CTNNA3: variants seen among roughly 807,000 people sequenced by gnomAD.
CTNNA3 encodes catenin alpha 3.
A neutral mutation model predicts 95.7 loss-of-function variants in CTNNA3; 76 were observed. The observed-to-expected ratio is 0.79, with a 90% CI of 0.66 to 0.96. The LOEUF is 0.96. Ranked by LOEUF, CTNNA3 falls within the 40% of genes least tolerant of loss-of-function variation. CTNNA3 has a pLI of 0.00. For missense variants in CTNNA3, 1,191 were observed against 1,089.8 expected, an observed-to-expected ratio of 1.09 and a Z score of -1.31; for synonymous variants, 431 against 374.4, an observed-to-expected ratio of 1.15 and a Z score of -1.74.
At chr10:66,587,916 T>C (rs375964752) in intron 10 of CTNNA3, among the ~76,000 whole-genome samples, 4 of 152,134 alleles carry the variant, frequency 2.6e-5, no homozygotes, top group African/African-American at 9.7e-5. Flanking sequence ...ATAGCAAACT[T>C]ACTACTTGCC....
intron 1 of CTNNA3, among the ~76,000 whole-genome samples, chr10:67,762,374 TCC>T (rs1238577460): frequency 4.2e-5 from 4 of 94,956 alleles, no homozygotes; most frequent in African/African-American, 1.6e-4. Context: ...TGCTTTCCCC[TCC>T]CCCCCCCAAA....
intron 11 of CTNNA3, among the ~76,000 whole-genome samples, chr10:66,384,960 T>A (rs1048401887): frequency 6.6e-6 from 1 of 152,040 alleles, no homozygotes; most frequent in Non-Finnish European, 1.5e-5. Context: ...AGGGAAATTT[T>A]TAGCACTAAA....
chr10:67,045,729 C>G (rs547726077), intron 7 of CTNNA3, among the ~76,000 whole-genome samples: 1 of 152,236 alleles, frequency 6.6e-6, no homozygotes, highest in South Asian at 2.1e-4. Flanking sequence ...CCGAGACCAG[C>G]CAAGGCCCCC....
chr10:66,472,658 TATTAAA>T (rs1316229802), intron 11 of CTNNA3, among the ~76,000 whole-genome samples: 1 of 152,040 alleles, frequency 6.6e-6, no homozygotes, highest in African/African-American at 2.4e-5. Context: ...ACCTCTGAAT[TATTAAA>T]ATTAACTATA....
intron 13 of CTNNA3, among the ~76,000 whole-genome samples, chr10:66,125,029 A>G (rs1292849322): frequency 6.6e-6 from 1 of 152,166 alleles, no homozygotes; most frequent in Admixed American, 6.5e-5. Flanking sequence ...TTCTTCAAAA[A>G]CGAAGAAGAA....
At chr10:66,734,885 A>G (rs1193167447) in intron 9 of CTNNA3, among the ~76,000 whole-genome samples, 1 of 151,776 alleles carries the variant, frequency 6.6e-6, no homozygotes, top group Non-Finnish European at 1.5e-5. Flanking sequence ...AAAAAAAAAA[A>G]AAAGAAATTT....
chr10:66,531,935 G>A (rs1284053764), intron 10 of CTNNA3, among the ~76,000 whole-genome samples: 1 of 152,070 alleles, frequency 6.6e-6, no homozygotes, highest in Non-Finnish European at 1.5e-5. Flanking sequence ...AGAATTTGGA[G>A]TGGAAAAAAA....
intron 12 of CTNNA3, among the ~76,000 whole-genome samples, chr10:66,283,790 T>C (rs1447299781): frequency 3.3e-5 from 5 of 151,928 alleles, no homozygotes; most frequent in Non-Finnish European, 7.4e-5. Context: ...ACTTACACTA[T>C]GGACATATGG....
At chr10:66,330,784 C>T (rs74984846) in intron 12 of CTNNA3, among the ~76,000 whole-genome samples, 10 of 151,870 alleles carry the variant, frequency 6.6e-5, no homozygotes, top group Admixed American at 5.9e-4. Flanking sequence ...GAGATGGTAT[C>T]TCATTGTGGT....
intron 11 of CTNNA3, among the ~76,000 whole-genome samples, chr10:66,427,613 T>C (rs1167224285): frequency 6.6e-6 from 1 of 152,088 alleles, no homozygotes; most frequent in African/African-American, 2.4e-5. Flanking sequence ...TTTTTGCTCT[T>C]GTAAACAGAG....
chr10:66,298,688 T>G (rs1052844045), intron 12 of CTNNA3, among the ~76,000 whole-genome samples: 5 of 152,112 alleles, frequency 3.3e-5, no homozygotes, highest in Non-Finnish European at 7.3e-5. Context: ...TCCTTCCCCA[T>G]AGTATCTATA....
At chr10:66,877,550 G>A (rs1161687090) in intron 7 of CTNNA3, among the ~76,000 whole-genome samples, 4 of 152,130 alleles carry the variant, frequency 2.6e-5, no homozygotes, top group African/African-American at 7.2e-5. Context: ...TGACAAGTTA[G>A]AAGCCTGATA....
At chr10:66,072,360 T>C (rs759627363) in intron 14 of CTNNA3, among the ~76,000 whole-genome samples, 1 of 152,186 alleles carries the variant, frequency 6.6e-6, no homozygotes. Context: ...CAGATTTTTA[T>C]TGTTTTTCTC....
intron 13 of CTNNA3, among the ~76,000 whole-genome samples, chr10:66,210,300 C>T (rs981478174): frequency 1.6e-4 from 24 of 150,422 alleles, no homozygotes; most frequent in African/African-American, 5.9e-4. Context: ...GAACCACTTC[C>T]TATAATTTAC....
At chr10:67,715,854 C>T (rs962427512) in intron 1 of CTNNA3, among the ~76,000 whole-genome samples, 9 of 152,148 alleles carry the variant, frequency 5.9e-5, no homozygotes, top group African/African-American at 2.2e-4. Context: ...AGTATCTACA[C>T]AGGTGAAAAA....
At chr10:66,913,679 A>C (rs895039481) in intron 7 of CTNNA3, among the ~76,000 whole-genome samples, 1 of 152,212 alleles carries the variant, frequency 6.6e-6, no homozygotes, top group African/African-American at 2.4e-5. Flanking sequence ...ATGTCGCGCC[A>C]TAAAAGTCAT....
chr10:67,453,789 C>T (rs78015398), intron 5 of CTNNA3, among the ~76,000 whole-genome samples: 1,850 of 152,160 alleles, frequency 0.012, 31 homozygotes, highest in African/African-American at 0.037. Flanking sequence ...AATTGTAAAC[C>T]GTATTATGTA....
At chr10:67,333,075 C>T (rs909406628) in intron 5 of CTNNA3, among the ~76,000 whole-genome samples, 1 of 152,126 alleles carries the variant, frequency 6.6e-6, no homozygotes, top group Non-Finnish European at 1.5e-5. Flanking sequence ...TTTATCAAAG[C>T]GTACTGCAAT....
Position 66,179,638 on chromosome 10 carries a change from C to T in CTNNA3, c.1885-76389G>A, listed in dbSNP as rs1418472216. 3.3e-5 allele frequency among the ~76,000 whole-genome samples: 5 copies of T among 152,062 alleles called. No individual in the cohort carries two copies. The East Asian group carries it at 9.6e-4, about 29-fold the overall frequency. The stretch of plus-strand genomic sequence containing the variant: ...AATTTGCAAGCTCTGAAAGGATCTC[C>T]ATAAAGGCAATCACAAAGGAAAGCT... On this transcript the variant is annotated intron_variant, in intron 13 of 17. Coordinates refer to ENST00000433211, the MANE Select transcript of CTNNA3 (RefSeq NM_013266.4).
Sources: allele counts gnomAD v4.1 joint callset (sites outside exome capture counted in the v4.1 genomes callset), GRCh38; gene constraint gnomAD v4.1.1; transcripts MANE v1.5; gene names NCBI Gene and HGNC (gene_info 2026-07-23, HGNC 2026-07-21).